CSNK2A2IP: variants seen among roughly 807,000 people sequenced by gnomAD.
CSNK2A2IP encodes the protein casein kinase II subunit alpha'-interacting protein.
the CSNK2A2IP span, among the ~76,000 whole-genome samples, chr3:88,411,503 G>T: frequency 2.6e-5 from 4 of 151,650 alleles, no homozygotes; most frequent in African/African-American, 9.7e-5. Flanking sequence ...TTAAATATAT[G>T]GTAGTATTTT....
the CSNK2A2IP span, among the ~76,000 whole-genome samples, chr3:88,395,862 A>G: frequency 6.6e-6 from 1 of 152,096 alleles, no homozygotes; most frequent in Non-Finnish European, 1.5e-5. Context: ...GTTATTCAAG[A>G]CAGTATTGTT....
At chr3:88,371,469 G>A in the CSNK2A2IP span, among the ~76,000 whole-genome samples, 3 of 151,688 alleles carry the variant, frequency 2.0e-5, no homozygotes, top group Non-Finnish European at 4.4e-5. Flanking sequence ...CAGAGAATAA[G>A]TTAGTTAACA....
the CSNK2A2IP span, among the ~76,000 whole-genome samples, chr3:88,426,336 A>G: frequency 1.3e-5 from 2 of 152,248 alleles, no homozygotes; most frequent in South Asian, 4.1e-4. Context: ...TGAATACTCC[A>G]TAGCCTTTGG....
chr3:88,414,257 T>G, the CSNK2A2IP span, among the ~76,000 whole-genome samples: 70 of 141,746 alleles, frequency 4.9e-4, no homozygotes, highest in Admixed American at 1.2e-3. Context: ...ATCAGCAAAA[T>G]TGTACCAACA....
the CSNK2A2IP span, among the ~76,000 whole-genome samples, chr3:88,390,832 T>A: frequency 1.3e-5 from 2 of 152,214 alleles, no homozygotes; most frequent in Non-Finnish European, 2.9e-5. Context: ...TAGTGTTGCA[T>A]ATGTAGTATA....
At chr3:88,339,413 A>G in the CSNK2A2IP span, among the ~76,000 whole-genome samples, 685 of 152,166 alleles carry the variant, frequency 4.5e-3, 5 homozygotes, top group African/African-American at 0.016. Flanking sequence ...CATTGTGTAT[A>G]TGTGCCACAT....
At chr3:88,367,612 T>G in the CSNK2A2IP span, among the ~76,000 whole-genome samples, 4 of 152,112 alleles carry the variant, frequency 2.6e-5, no homozygotes, top group East Asian at 7.7e-4. Flanking sequence ...CCTTTAACTT[T>G]GTTGAAGACA....
the CSNK2A2IP span, among the ~76,000 whole-genome samples, chr3:88,372,954 C>A: frequency 2.0e-5 from 3 of 151,316 alleles, no homozygotes; most frequent in Admixed American, 1.3e-4. Flanking sequence ...AATGTGAATT[C>A]ATCTACTAAG....
the CSNK2A2IP span, among the ~76,000 whole-genome samples, chr3:88,462,078 A>C: frequency 6.7e-6 from 1 of 150,276 alleles, no homozygotes; most frequent in Non-Finnish European, 1.5e-5. Context: ...TTTTTTACCT[A>C]GTAATATCCA....
the CSNK2A2IP span, among the ~76,000 whole-genome samples, chr3:88,381,772 G>T: frequency 6.6e-6 from 1 of 152,184 alleles, no homozygotes. Flanking sequence ...ATTCCTATAA[G>T]ATTGGTTTCA....
At chr3:88,373,823 C>T in the CSNK2A2IP span, among the ~76,000 whole-genome samples, 10 of 151,110 alleles carry the variant, frequency 6.6e-5, no homozygotes, top group South Asian at 8.3e-4. Flanking sequence ...TAAACAGATT[C>T]GAAAGATTAG....
the CSNK2A2IP span, chr3:88,465,032 A>C: frequency 2.2e-3 from 425 of 189,548 alleles, 2 homozygotes; most frequent in Non-Finnish European, 2.9e-3. Context: ...GTACTTAAGA[A>C]AATTAATATT....
the CSNK2A2IP span, among the ~76,000 whole-genome samples, chr3:88,346,426 T>C: frequency 2.6e-5 from 4 of 151,986 alleles, no homozygotes; most frequent in African/African-American, 7.2e-5. Flanking sequence ...ATGTCTGGCT[T>C]CAAAGCTTCA....
chr3:88,353,148 T>C, the CSNK2A2IP span, among the ~76,000 whole-genome samples: 66,682 of 152,008 alleles, frequency 0.44, 15,875 homozygotes, highest in South Asian at 0.62. Flanking sequence ...GATGATTTAG[T>C]TTCAACTCCC....
chr3:88,373,897 G>A, the CSNK2A2IP span, among the ~76,000 whole-genome samples: 1 of 151,586 alleles, frequency 6.6e-6, no homozygotes, highest in African/African-American at 2.4e-5. Flanking sequence ...ATTTTTGAAA[G>A]ATAAAAATGA....
chr3:88,428,697 G>C, the CSNK2A2IP span, among the ~76,000 whole-genome samples: 1 of 152,102 alleles, frequency 6.6e-6, no homozygotes, highest in African/African-American at 2.4e-5. Flanking sequence ...ACTGGATATT[G>C]AGAAAACAGT....
At chr3:88,398,132 G>A in the CSNK2A2IP span, among the ~76,000 whole-genome samples, 1 of 152,020 alleles carries the variant, frequency 6.6e-6, no homozygotes, top group Non-Finnish European at 1.5e-5. Context: ...AAAATTAAAT[G>A]CCCTAATGTA....
At chr3:88,381,399 T>C in the CSNK2A2IP span, among the ~76,000 whole-genome samples, 1 of 152,324 alleles carries the variant, frequency 6.6e-6, no homozygotes, top group South Asian at 2.1e-4. Context: ...ATGAGGCTCC[T>C]GAAATAAAAT....
the CSNK2A2IP span, among the ~76,000 whole-genome samples, chr3:88,375,012 A>T: frequency 6.6e-6 from 1 of 151,722 alleles, no homozygotes; most frequent in Non-Finnish European, 1.5e-5. Flanking sequence ...AACCTCATGC[A>T]TAAAATTACC....
Sources: gnomAD v4.1 joint callset for allele counts (sites outside exome capture counted in the v4.1 genomes callset) on GRCh38, gnomAD v4.1.1 for gene constraint, MANE v1.5 for transcripts, NCBI Gene and HGNC (gene_info 2026-07-23, HGNC 2026-07-21) for gene names.